CDC42EP3: variants seen among roughly 807,000 people sequenced by gnomAD.
CDC42EP3 encodes the protein CDC42 effector protein 3.
CDC42EP3 carries 4 observed loss-of-function variants against 15.5 expected under a neutral mutation model. The ratio of observed to expected loss-of-function variants is 0.26; its 90% CI spans 0.13 to 0.59. The LOEUF (loss-of-function observed/expected upper bound fraction) is 0.59, where lower values mean the gene tolerates loss of function less well. CDC42EP3 is among the 20% of genes least tolerant of loss of function. The pLI, the probability that CDC42EP3 is intolerant of heterozygous loss-of-function variation, is 0.89. For missense variants in CDC42EP3, 309 were observed against 311.2 expected (o/e 0.99, Z 0.05); for synonymous variants, 145 against 130.3 (o/e 1.11, Z -0.77).
chr2:37,671,153 G>A (rs116949487), intron 1 of CDC42EP3, among the ~76,000 whole-genome samples: 24 of 152,246 alleles, frequency 1.6e-4, no homozygotes, highest in Admixed American at 1.1e-3. Context: ...TAGCTCGGAG[G>A]GTGCAATGTG....
intron 1 of CDC42EP3, among the ~76,000 whole-genome samples, chr2:37,662,031 G>C (rs1437712697): frequency 6.6e-6 from 1 of 151,888 alleles, no homozygotes; most frequent in Non-Finnish European, 1.5e-5. Context: ...AAATGGTAGG[G>C]CTCTGTGATT....
At position 37,646,635 on chromosome 2, in the gene CDC42EP3, T is replaced by C; in HGVS notation, c.-48A>G. 6.8e-7 allele frequency: 1 copy of C among 1,465,314 alleles called. No individual in the cohort carries two copies. The highest frequency in any genetic ancestry group is 2.5e-4 in the Middle Eastern group (1 of 3,940). 90.8% of individuals were successfully genotyped at this position (1,465,314 alleles called of 1,614,324 possible). On this transcript the variant is annotated 5_prime_UTR_variant, in exon 2 of 2. Coordinates refer to ENST00000295324, the MANE Select transcript of CDC42EP3 (RefSeq NM_006449.5). ...TTTGCAAGCGGGAGAAAGGGCCACT[T>C]TCTTCACAGATGGTATATGTTTCTG...
chr2:37,642,943 G>T lies in CDC42EP3; in HGVS notation c.*2880C>A, dbSNP rs1397955213. On this transcript the variant is annotated 3_prime_UTR_variant, in exon 2 of 2. Coordinates refer to ENST00000295324, the MANE Select transcript of CDC42EP3 (RefSeq NM_006449.5). The stretch of plus-strand genomic sequence containing the variant: ...GAAGAGCTAAGTATCCTGATATTTT[G>T]ATCTTTTCAAGCAGATAATTTCAGG... The T allele has an allele frequency of 6.6e-6, 1 of 152,226 alleles. No homozygotes were observed. Among genetic ancestry groups the T allele is most frequent in the South Asian group, 2.1e-4 (1 of 4,826 alleles). The allele number at this position is 152,226 out of a possible 1,614,324, so 9.4% of individuals were successfully genotyped here.
chr2:37,657,001 C>G (rs60695609), intron 1 of CDC42EP3, among the ~76,000 whole-genome samples: 16,076 of 102,432 alleles, frequency 0.16, 1,717 homozygotes, highest in South Asian at 0.23. Flanking sequence ...CCCCCCGCCC[C>G]CCGCCATCCT....
intron 1 of CDC42EP3, among the ~76,000 whole-genome samples, chr2:37,665,020 T>C (rs1186491428): frequency 6.6e-6 from 1 of 152,086 alleles, no homozygotes; most frequent in Non-Finnish European, 1.5e-5. Flanking sequence ...GACATGAGTT[T>C]ACCTCCGTAA....
chr2:37,654,935 G>C (rs1323534419), intron 1 of CDC42EP3, among the ~76,000 whole-genome samples: 1 of 152,212 alleles, frequency 6.6e-6, no homozygotes, highest in Non-Finnish European at 1.5e-5. Flanking sequence ...CATAGTGTTA[G>C]ATTTTCATTT....
intron 1 of CDC42EP3, among the ~76,000 whole-genome samples, chr2:37,671,215 G>C (rs982987166): frequency 6.6e-6 from 1 of 152,254 alleles, no homozygotes; most frequent in African/African-American, 2.4e-5. Context: ...GGAGCTCTGA[G>C]TCCTGGTCGT....
chr2:37,659,723 G>A (rs1330368497), intron 1 of CDC42EP3, among the ~76,000 whole-genome samples: 1 of 152,192 alleles, frequency 6.6e-6, no homozygotes, highest in Non-Finnish European at 1.5e-5. Context: ...TGTTAAGGGA[G>A]AACTTGGCTC....
At chr2:37,652,404 TACA>T (rs1265985652) in intron 1 of CDC42EP3, among the ~76,000 whole-genome samples, 4 of 152,052 alleles carry the variant, frequency 2.6e-5, no homozygotes, top group Non-Finnish European at 5.9e-5. Context: ...ATTACCAGAC[TACA>T]ACTAGGGAGC....
At chr2:37,647,178 T>C (rs1316016321) in intron 1 of CDC42EP3, among the ~76,000 whole-genome samples, 2 of 152,248 alleles carry the variant, frequency 1.3e-5, no homozygotes, top group Non-Finnish European at 2.9e-5. Flanking sequence ...TCCTTTTGCT[T>C]TGATGTGCAT....
chr2:37,670,260 C>A (rs998679020), intron 1 of CDC42EP3, among the ~76,000 whole-genome samples: 4 of 152,072 alleles, frequency 2.6e-5, no homozygotes, highest in African/African-American at 9.7e-5. Flanking sequence ...ATTTTTGTTC[C>A]TTTTAAAAGG....
chr2:37,648,347 C>T (rs531014562), intron 1 of CDC42EP3, among the ~76,000 whole-genome samples: 1 of 152,356 alleles, frequency 6.6e-6, no homozygotes, highest in South Asian at 2.1e-4. Flanking sequence ...AAGGGAGCCA[C>T]ATTTGCTTGT....
intron 1 of CDC42EP3, among the ~76,000 whole-genome samples, chr2:37,669,679 T>C (rs959850711): frequency 3.3e-5 from 5 of 152,174 alleles, no homozygotes; most frequent in Admixed American, 6.5e-5. Flanking sequence ...GATGATGCCA[T>C]TGGAAAACAG....
intron 1 of CDC42EP3, among the ~76,000 whole-genome samples, chr2:37,669,034 C>T (rs1425487285): frequency 6.6e-6 from 1 of 152,018 alleles, no homozygotes; most frequent in Non-Finnish European, 1.5e-5. Context: ...TACAGGTTCA[C>T]AGGATTCTGG....
rs1322300038 is a variant in CDC42EP3, at chr2:37,645,768, T to A, written c.*55A>T. ...AGCTCCGGAAGCCCTTCTCTTCAACTGTGGTTAGTTTGTTTTTGTACCTTT... is the reference window on the plus strand; with the variant it reads ...AGCTCCGGAAGCCCTTCTCTTCAACAGTGGTTAGTTTGTTTTTGTACCTTT... On this transcript the variant is annotated 3_prime_UTR_variant, in exon 2 of 2. Transcript: ENST00000295324. 1.4e-6 allele frequency: 2 copies of A among 1,380,498 alleles called. No individual in the cohort carries two copies. The highest frequency in any genetic ancestry group is 2.0e-6 in the Non-Finnish European group (2 of 1,023,692). The allele number at this position is 1,380,498 out of a possible 1,614,324, so 85.5% of individuals were successfully genotyped here.
At chr2:37,669,395 G>A (rs1347699336) in intron 1 of CDC42EP3, among the ~76,000 whole-genome samples, 1 of 152,174 alleles carries the variant, frequency 6.6e-6, no homozygotes, top group African/African-American at 2.4e-5. Flanking sequence ...CTGGAGCGCA[G>A]ACAGGGCAAA....
rs533359494 is a variant in CDC42EP3, at chr2:37,653,402, C to T, written c.-235-6580G>A. On this transcript the variant is annotated intron_variant, in intron 1 of 1. Coordinates refer to ENST00000295324, the MANE Select transcript of CDC42EP3 (RefSeq NM_006449.5). Reference sequence around the variant, plus strand: ...GACAATTCTAGTTTCTTGTGACTGACTGAAGCGTAAATGACAGTGATAATG... The same window carrying T: ...GACAATTCTAGTTTCTTGTGACTGATTGAAGCGTAAATGACAGTGATAATG... Among the ~76,000 whole-genome samples the T allele has an allele frequency of 3.3e-5, 5 of 152,226 alleles. No individual in the cohort carries two copies. In the South Asian group the frequency reaches 1.0e-3, roughly 32 times the overall value.
intron 1 of CDC42EP3, among the ~76,000 whole-genome samples, chr2:37,663,742 C>A (rs1423413163): frequency 6.6e-6 from 1 of 152,248 alleles, no homozygotes; most frequent in East Asian, 1.9e-4. Context: ...TGGAAGGATG[C>A]AAAGTATTGT....
At chr2:37,666,633 C>T (rs1228017916) in intron 1 of CDC42EP3, among the ~76,000 whole-genome samples, 1 of 152,120 alleles carries the variant, frequency 6.6e-6, no homozygotes, top group Admixed American at 6.5e-5. Flanking sequence ...CATCAGCTTT[C>T]ACACAGTTTA....
Sources: allele counts gnomAD v4.1 joint callset (sites outside exome capture counted in the v4.1 genomes callset), GRCh38; gene constraint gnomAD v4.1.1; transcripts MANE v1.5; gene names NCBI Gene and HGNC (gene_info 2026-07-23, HGNC 2026-07-21).